Variants in TPCN2 observed in about 807,000 individuals in gnomAD.
The protein encoded by TPCN2 is two pore channel protein 2.
TPCN2 carries 92 observed loss-of-function variants against 111.4 expected under a neutral mutation model. The observed-to-expected ratio is 0.83, with a 90% CI of 0.70 to 0.98. TPCN2 has a LOEUF of 0.98. Among genes scored for constraint, TPCN2 ranks in the 50% least tolerant of loss-of-function variants. TPCN2 has a pLI of 0.00. For missense variants in TPCN2, 995 were observed against 980.1 expected, an observed-to-expected ratio of 1.02 and a Z score of -0.20; for synonymous variants, 405 against 414.5, an observed-to-expected ratio of 0.98 and a Z score of 0.28.
chr11:69,072,134 G>A (rs991624559), intron 11 of TPCN2, 111 bp downstream of exon 11: 5 of 883,474 alleles, frequency 5.7e-6, no homozygotes, highest in Non-Finnish European at 8.6e-6. Flanking sequence ...CCTCGCCCCT[G>A]CTGGCTGGCA....
At position 69,049,568 on chromosome 11, in the gene TPCN2, C is replaced by T. The variant is rs189308936; in HGVS notation, c.109+462C>T. 3.2e-3 allele frequency among the ~76,000 whole-genome samples: 488 copies of T among 152,348 alleles called. 2 individuals carry two copies. Among genetic ancestry groups the T allele is most frequent in the Non-Finnish European group, 5.6e-3 (379 of 68,016 alleles). On this transcript the variant is annotated intron_variant, in intron 1 of 24. Transcript: ENST00000294309. Reference sequence around the variant, plus strand: ...AGGCTCACAGAGAGGCGTTACCCTACCCAAGGTCACACACCCAGTAAGTGG... The same window carrying T: ...AGGCTCACAGAGAGGCGTTACCCTATCCAAGGTCACACACCCAGTAAGTGG...
intron 13 of TPCN2, among the ~76,000 whole-genome samples, chr11:69,074,895 G>A (rs1445618765): frequency 1.3e-5 from 2 of 152,206 alleles, no homozygotes; most frequent in East Asian, 1.9e-4. Flanking sequence ...TCCCTAGGGC[G>A]TGGTTGAGTC....
chr11:69,056,564 C>T (rs1040990488), intron 4 of TPCN2, among the ~76,000 whole-genome samples: 3 of 152,152 alleles, frequency 2.0e-5, no homozygotes, highest in South Asian at 2.1e-4. Context: ...GACACAGTCT[C>T]GCTCTGTTGC....
At chr11:69,071,196 T>C (rs192204329) in intron 9 of TPCN2, among the ~76,000 whole-genome samples, 160 bp from the exon 10 acceptor site, 2 of 152,008 alleles carry the variant, frequency 1.3e-5, no homozygotes, top group East Asian at 3.9e-4. Flanking sequence ...GTCCCCACCA[T>C]TGACCTCGTC....
At chr11:69,065,283 A>T (rs1453952318) in intron 7 of TPCN2, among the ~76,000 whole-genome samples, 1 of 152,210 alleles carries the variant, frequency 6.6e-6, no homozygotes, top group Non-Finnish European at 1.5e-5. Context: ...GCTGTTTGCC[A>T]GAGCCTGTAC....
In TPCN2 at chr11:69,060,403, G is replaced by A. The variant is rs192718371; in HGVS notation, c.547-2481G>A. 1.8e-3 allele frequency among the ~76,000 whole-genome samples: 271 copies of A among 152,332 alleles called. 1 individual carries two copies. Among genetic ancestry groups the A allele is most frequent in the Non-Finnish European group, 1.5e-4 (10 of 68,034 alleles). On this transcript the variant is annotated intron_variant, in intron 5 of 24. Transcript: ENST00000294309. ...TCATAAAGAACTCCTACAGGCATGG[G>A]GTGGCTTGCAGGGAGGACTGGGTGC...
intron 17 of TPCN2, among the ~76,000 whole-genome samples, chr11:69,080,546 GGGCACGGGGCCCAGCATGCCAGCCTC>G (rs1280805072): frequency 1.3e-5 from 2 of 152,180 alleles, no homozygotes; most frequent in Admixed American, 1.3e-4. Flanking sequence ...AGGAAGGGTG[GGGCACGGGGCCCAGCATGCCAGCCTC>G]GGCCCTGTGG....
chr11:69,074,383 C>T (rs1056992691), intron 13 of TPCN2, among the ~76,000 whole-genome samples: 4 of 152,232 alleles, frequency 2.6e-5, no homozygotes, highest in Non-Finnish European at 5.9e-5. Context: ...TTTGAATATT[C>T]ACGCCATCAA....
At chr11:69,053,645 G>T (rs1026199614) in intron 1 of TPCN2, among the ~76,000 whole-genome samples, 22 of 152,214 alleles carry the variant, frequency 1.4e-4, no homozygotes, top group Admixed American at 3.9e-4. Flanking sequence ...CTGGGGAGCC[G>T]ATTGGGTGGC....
At chr11:69,053,127 G>T (rs1226977672) in intron 1 of TPCN2, among the ~76,000 whole-genome samples, 1 of 152,246 alleles carries the variant, frequency 6.6e-6, no homozygotes, top group Non-Finnish European at 1.5e-5. Context: ...AGGCCAGGGT[G>T]CTGGGTCCTG....
rs200203187 is a variant in TPCN2 at position 69,071,999 on chromosome 11, G to C, written c.1037G>C (p.Gly346Ala). ...AAFEVLSSMV[G>A]EGGAFPQAVG... The stretch of plus-strand genomic sequence containing the variant: ...TTTGAAGTCCTATCCTCCATGGTGG[G>C]GGAGGGAGGAGCCTTCCCTCAGGCG... Residue 346 changes from glycine (G) to alanine (A), a missense_variant, in exon 11 of 25, where the codon GGG (glycine) becomes GCG (alanine). Physicochemically the swap from Gly to Ala is moderately conservative, Grantham distance 60. Transcript: ENST00000294309. The C allele has an allele frequency of 5.6e-6, 9 of 1,613,726 alleles. No individual in the cohort carries two copies. In the East Asian group the frequency reaches 2.0e-4, roughly 36 times the overall value.
intron 8 of TPCN2, among the ~76,000 whole-genome samples, chr11:69,069,878 A>G (rs1855442762): frequency 6.6e-6 from 1 of 152,040 alleles, no homozygotes; most frequent in African/African-American, 2.4e-5. Flanking sequence ...CTCTGTGTGC[A>G]GAGGGACATC....
intron 23 of TPCN2, 65 bp from the exon 24 acceptor site, chr11:69,087,047 G>A (rs1301292356): frequency 4.2e-6 from 6 of 1,431,334 alleles, no homozygotes; most frequent in Middle Eastern, 3.8e-4. Flanking sequence ...TGGAGGGGCC[G>A]GGGATGGGGC....
intron 1 of TPCN2, 137 bp from the exon 2 acceptor site, chr11:69,053,896 A>T: frequency 1.4e-6 from 1 of 721,620 alleles, no homozygotes; most frequent in Non-Finnish European, 2.4e-6. Context: ...ATGCAGCCCC[A>T]CTGCCGGGTG....
chr11:69,078,212 C>T (rs948046941), intron 13 of TPCN2, among the ~76,000 whole-genome samples: 1 of 150,998 alleles, frequency 6.6e-6, no homozygotes, highest in African/African-American at 2.4e-5. Context: ...TTTCAGGTGA[C>T]TCTAATATCA....
In TPCN2 at chr11:69,083,956, G is replaced by T. The variant is rs1405791183; in HGVS notation, c.1701G>T (p.Val567=). Residue 567 remains valine, a synonymous_variant, in exon 19 of 25, where the codon GTG becomes GTT. Transcript: ENST00000294309. Reference sequence around the variant, plus strand: ...CTTCCTGTCCTCAGCTGATGGCCGTGGTGGCCAGTACCGTCCTGGGCCTGG... The same window carrying T: ...CTTCCTGTCCTCAGCTGATGGCCGTTGTGGCCAGTACCGTCCTGGGCCTGG... ...RIIPSMKLMA[V]VASTVLGLVQ... The T allele has an allele frequency of 6.2e-7, 1 of 1,614,048 alleles. No individual in the cohort carries two copies. The highest frequency in any genetic ancestry group is 1.7e-5 in the Admixed American group (1 of 60,008).
rs747083143 is a variant in TPCN2, at chr11:69,072,712, C to T, written c.1143+4C>T. The T allele has an allele frequency of 3.1e-6, 5 of 1,613,454 alleles. No homozygotes were observed. Among genetic ancestry groups the T allele is most frequent in the Middle Eastern group, 1.7e-4 (1 of 5,946 alleles). On this transcript the variant is annotated splice_donor_region_variant and intron_variant, in intron 12 of 24. Transcript: ENST00000294309. ...CCACAAACAGGCCATGATGGAGGTA[C>T]CCGCCCCCTGCTCCCAGCCTCCTCT...
At chr11:69,063,540 G>A (rs974122101) in intron 6 of TPCN2, among the ~76,000 whole-genome samples, 1 of 152,082 alleles carries the variant, frequency 6.6e-6, no homozygotes, top group African/African-American at 2.4e-5. Context: ...TGGCAGCGTT[G>A]CCCGAGTCCC....
chr11:69,078,885 C>G lies in TPCN2; in HGVS notation c.1411-7C>G, dbSNP rs1855897884. On this transcript the variant is annotated splice_region_variant and splice_polypyrimidine_tract_variant and intron_variant, in intron 15 of 24. Coordinates refer to ENST00000294309, the MANE Select transcript of TPCN2 (RefSeq NM_139075.4). ...CCAATGCTGGGTGCCTCTTCTGCCC[C>G]TTTCAGATTCTCAACTGCGTCTTCA... 1 of 1,613,940 alleles carries G rather than the reference C, an allele frequency of 6.2e-7. No homozygotes were observed. Among genetic ancestry groups the G allele is most frequent in the Non-Finnish European group, 8.5e-7 (1 of 1,179,986 alleles).
Sources: allele counts gnomAD v4.1 joint callset (sites outside exome capture counted in the v4.1 genomes callset), GRCh38; gene constraint gnomAD v4.1.1; transcripts MANE v1.5; gene names NCBI Gene and HGNC (gene_info 2026-07-23, HGNC 2026-07-21).